The following TANGO6 variants were observed in gnomAD, a reference collection of about 807,000 sequenced individuals.
TANGO6 encodes the protein transport and Golgi organization protein 6 homolog.
In TANGO6, 90 loss-of-function variants were observed where a neutral mutation model predicts 114.2. That is an observed-to-expected ratio of 0.79 (90% confidence interval 0.66 to 0.94). TANGO6 has a LOEUF of 0.94. TANGO6 is among the 40% of genes least tolerant of loss of function. The pLI is 0.00. For synonymous variants in TANGO6, 477 were observed against 509.8 expected (o/e 0.94, Z 0.87); for missense variants, 1,274 against 1,315.3 (o/e 0.97, Z 0.49).
At chr16:69,027,143 T>C (rs1164150772) in intron 16 of TANGO6, among the ~76,000 whole-genome samples, 1 of 152,196 alleles carries the variant, frequency 6.6e-6, no homozygotes, top group Non-Finnish European at 1.5e-5. Flanking sequence ...ATTACAGGCA[T>C]GAGCCACCGC....
intron 14 of TANGO6, among the ~76,000 whole-genome samples, chr16:68,958,687 T>C (rs538337726): frequency 1.3e-3 from 196 of 152,202 alleles, no homozygotes; most frequent in Non-Finnish European, 1.7e-3. Context: ...ATCCCAGCAC[T>C]GTGGGAGACT....
chr16:69,064,136 C>G (rs1960179367), intron 17 of TANGO6, among the ~76,000 whole-genome samples: 1 of 152,116 alleles, frequency 6.6e-6, no homozygotes, highest in South Asian at 2.1e-4. Flanking sequence ...ACGCCCAGCT[C>G]TACAGCCATA....
At chr16:68,863,198 A>C (rs1253647577) in intron 3 of TANGO6, 137 bp downstream of exon 3, 1 of 525,978 alleles carries the variant, frequency 1.9e-6, no homozygotes, top group African/African-American at 1.9e-5. Flanking sequence ...TTAGATCATA[A>C]AATGATATTT....
chr16:68,982,834 T>C (rs144456699), intron 15 of TANGO6, among the ~76,000 whole-genome samples: 1 of 152,062 alleles, frequency 6.6e-6, no homozygotes, highest in Non-Finnish European at 1.5e-5. Context: ...TCCTTCCTTT[T>C]AATAGACCAT....
intron 15 of TANGO6, among the ~76,000 whole-genome samples, chr16:69,003,957 C>A (rs879721141): frequency 6.6e-6 from 1 of 151,210 alleles, no homozygotes; most frequent in Admixed American, 6.6e-5. Context: ...TTTCTATTTT[C>A]TTCCTAAATC....
chr16:68,978,987 C>T (rs540902598), intron 15 of TANGO6, among the ~76,000 whole-genome samples: 4 of 143,466 alleles, frequency 2.8e-5, no homozygotes, highest in Admixed American at 7.3e-5. Flanking sequence ...TGCAGTGGTG[C>T]GATCATGGCT....
At chr16:68,856,982 C>A (rs768617974) in intron 1 of TANGO6, among the ~76,000 whole-genome samples, 5 of 152,072 alleles carry the variant, frequency 3.3e-5, no homozygotes, top group Non-Finnish European at 5.9e-5. Context: ...GGTGGCGGGC[C>A]CCTGTAGTCC....
intron 17 of TANGO6, among the ~76,000 whole-genome samples, chr16:69,071,171 A>T (rs1960293201): frequency 6.6e-6 from 1 of 152,104 alleles, no homozygotes; most frequent in South Asian, 2.1e-4. Flanking sequence ...AACATTATCA[A>T]TCTATTCCCT....
chr16:69,002,696 TG>T (rs778650194), intron 15 of TANGO6, among the ~76,000 whole-genome samples: 8 of 151,996 alleles, frequency 5.3e-5, no homozygotes. Context: ...ACTAATACGT[TG>T]GGTATCTGTT....
In TANGO6 at chr16:69,022,891, C is replaced by T. The variant is rs1216222177; in HGVS notation, c.2906C>T (p.Pro969Leu). The change falls in exon 16 of 18, where the codon CCT (proline) becomes CTT (leucine). Residue 969 changes from proline (P) to leucine (L), a missense_variant. Pro to Leu is a moderately conservative substitution (Grantham distance 98). Transcript: ENST00000261778. ...IHTFLRGVRD[P>L]DGAHRASSLA... Reference sequence around the variant, plus strand: ...ACCTTCCTGAGGGGAGTGAGAGATCCTGATGGTGCTCACAGGGCCAGCAGC... The same window carrying T: ...ACCTTCCTGAGGGGAGTGAGAGATCTTGATGGTGCTCACAGGGCCAGCAGC... 1.9e-6 allele frequency: 3 copies of T among 1,597,288 alleles called. No individual in the cohort carries two copies. Among genetic ancestry groups the T allele is most frequent in the Non-Finnish European group, 2.6e-6 (3 of 1,171,710 alleles).
rs546461877 is a variant in TANGO6, at chr16:68,845,034, C to A, written c.94+1323C>A. Among the ~76,000 whole-genome samples the A allele has an allele frequency of 9.0e-5, 13 of 145,136 alleles. No individual in the cohort carries two copies. In the East Asian group the frequency reaches 2.6e-3, roughly 30 times the overall value. Reference sequence around the variant, plus strand: ...CCAGGCTGGAGTGCAGTGGCACAATCTCGGCTCACTGCAACCTCTGCCTCC... The same window carrying A: ...CCAGGCTGGAGTGCAGTGGCACAATATCGGCTCACTGCAACCTCTGCCTCC... On this transcript the variant is annotated intron_variant, in intron 1 of 17. Coordinates refer to ENST00000261778, the MANE Select transcript of TANGO6 (RefSeq NM_024562.2).
intron 14 of TANGO6, chr16:68,934,041 A>ATTTT (rs765471686): frequency 7.2e-6 from 1 of 139,496 alleles, no homozygotes; most frequent in Non-Finnish European, 1.6e-5. Flanking sequence ...GAATTCTGGA[A>ATTTT]TTTTTTTTTT....
At chr16:69,032,277 A>G (rs1959607881) in intron 16 of TANGO6, among the ~76,000 whole-genome samples, 1 of 151,764 alleles carries the variant, frequency 6.6e-6, no homozygotes, top group South Asian at 2.1e-4. Context: ...TCATTCATTC[A>G]TTTATGGAGA....
At chr16:69,048,074 T>C (rs1222615936) in intron 17 of TANGO6, among the ~76,000 whole-genome samples, 1 of 149,914 alleles carries the variant, frequency 6.7e-6, no homozygotes, top group Admixed American at 6.7e-5. Context: ...AGTTTGGGAG[T>C]TTTTTTTTCT....
At chr16:68,891,527 G>T (rs1470228079) in intron 7 of TANGO6, among the ~76,000 whole-genome samples, 1 of 152,124 alleles carries the variant, frequency 6.6e-6, no homozygotes, top group Middle Eastern at 3.2e-3. Flanking sequence ...GTTTTATTTT[G>T]TTTGCTTTGA....
At chr16:69,007,490 G>A (rs55774568) in intron 15 of TANGO6, among the ~76,000 whole-genome samples, 14 of 151,748 alleles carry the variant, frequency 9.2e-5, no homozygotes, top group Non-Finnish European at 1.9e-4. Flanking sequence ...GTATGATCTC[G>A]ATCTGACCTC....
chr16:68,909,238 GA>G lies in TANGO6; in HGVS notation c.1831del (p.Thr611GlnfsTer3), dbSNP rs1962891456. 6.3e-7 allele frequency: 1 copy of G among 1,590,470 alleles called. No homozygotes were observed. The highest frequency in any genetic ancestry group is 1.4e-5 in the African/African-American group (1 of 73,960). ...GTTGACTCATGTGGCCTCGGAAAATGAAACAGAGTTAAAAACTGAGCCCTTC... is the reference window on the plus strand; with the variant it reads ...GTTGACTCATGTGGCCTCGGAAAATGAACAGAGTTAAAAACTGAGCCCTTC... ...KELTHVASEN[E>X]TELKTEPFSS... On this transcript the variant is annotated frameshift_variant, in exon 11 of 18. Transcript: ENST00000261778. LOFTEE classifies it high-confidence loss of function.
At chr16:69,031,084 A>G (rs562742985) in intron 16 of TANGO6, among the ~76,000 whole-genome samples, 1 of 152,044 alleles carries the variant, frequency 6.6e-6, no homozygotes, top group South Asian at 2.1e-4. Context: ...AATTTTAAAA[A>G]TTTAAAAATT....
chr16:68,860,817 C>G (rs981361065), intron 2 of TANGO6, among the ~76,000 whole-genome samples: 2 of 152,094 alleles, frequency 1.3e-5, no homozygotes, highest in Non-Finnish European at 2.9e-5. Context: ...AAATGTGTAT[C>G]ATAATACCTG....
Sources: gnomAD v4.1 joint callset for allele counts (sites outside exome capture counted in the v4.1 genomes callset) on GRCh38, gnomAD v4.1.1 for gene constraint, MANE v1.5 for transcripts, NCBI Gene and HGNC (gene_info 2026-07-23, HGNC 2026-07-21) for gene names.